Variants in FOXP2 observed in about 807,000 individuals in gnomAD.
The protein encoded by FOXP2 is forkhead box P2, also known as forkhead box protein P2.
FOXP2 carries 12 observed loss-of-function variants against 115.8 expected under a neutral mutation model. The observed-to-expected ratio is 0.10, with a 90% CI of 0.07 to 0.17. The LOEUF (loss-of-function observed/expected upper bound fraction) is 0.17, where lower values mean the gene tolerates loss of function less well. FOXP2 is among the 10% of genes least tolerant of loss of function. The pLI, the probability that FOXP2 is intolerant of heterozygous loss-of-function variation, is 1.00. For synonymous variants in FOXP2, 328 were observed against 297.7 expected, an observed-to-expected ratio of 1.10 and a Z score of -1.05; for missense variants, 629 against 843.5, an observed-to-expected ratio of 0.75 and a Z score of 3.15.
intron 2 of FOXP2, among the ~76,000 whole-genome samples, chr7:114,406,249 G>A (rs1793034506): frequency 6.6e-6 from 1 of 151,760 alleles, no homozygotes; most frequent in African/African-American, 2.4e-5. Flanking sequence ...TTAGTTTTCT[G>A]TGCTAGAAAA....
intron 2 of FOXP2, among the ~76,000 whole-genome samples, chr7:114,386,483 G>A (rs542175174): frequency 6.6e-6 from 1 of 152,314 alleles, no homozygotes; most frequent in Admixed American, 6.5e-5. Flanking sequence ...CTGGATCATA[G>A]AAGTCCTATA....
At chr7:114,581,569 A>G (rs1801871158) in intron 3 of FOXP2, among the ~76,000 whole-genome samples, 1 of 152,020 alleles carries the variant, frequency 6.6e-6, no homozygotes, top group South Asian at 2.1e-4. Flanking sequence ...AAACATCCCA[A>G]CCAGAGTGGT....
chr7:114,677,878 T>G (rs950695706), intron 16 of FOXP2, among the ~76,000 whole-genome samples: 4 of 152,208 alleles, frequency 2.6e-5, no homozygotes, highest in Non-Finnish European at 4.4e-5. Context: ...TTAAATTGGA[T>G]AAACATTTAT....
intron 3 of FOXP2, among the ~76,000 whole-genome samples, chr7:114,602,361 G>C (rs1803076639): frequency 6.6e-6 from 1 of 151,828 alleles, no homozygotes; most frequent in Non-Finnish European, 1.5e-5. Flanking sequence ...TAGCCTTTCT[G>C]TGTCTTTATA....
chr7:114,553,202 A>C (rs1283869591), intron 3 of FOXP2, among the ~76,000 whole-genome samples: 1 of 152,186 alleles, frequency 6.6e-6, no homozygotes, highest in Non-Finnish European at 1.5e-5. Context: ...AGGATACCCA[A>C]GTCTTAACCT....
rs181706661 is a variant in FOXP2 at position 114,308,259 on chromosome 7, G to T, written c.-11+20150G>T. Among the ~76,000 whole-genome samples, 7 of 152,150 alleles carry T rather than the reference G, an allele frequency of 4.6e-5. No homozygotes were observed. In the South Asian group the frequency reaches 1.0e-3, roughly 23 times the overall value. On this transcript the variant is annotated intron_variant, in intron 2 of 17. Coordinates refer to the FOXP2 transcript ENST00000634411. ...TTGGTCCTCATAGGCCACTGGGGGG[G>T]ACTCAGTGAACAATATACTCAACCA...
At chr7:114,285,048 G>A (rs1015018610) in intron 1 of FOXP2, among the ~76,000 whole-genome samples, 3 of 152,054 alleles carry the variant, frequency 2.0e-5, no homozygotes, top group Non-Finnish European at 4.4e-5. Flanking sequence ...GTGGGAGGAG[G>A]GGGAGGATTA....
chr7:114,624,116 T>C (rs921003043), intron 3 of FOXP2, among the ~76,000 whole-genome samples: 3 of 151,912 alleles, frequency 2.0e-5, no homozygotes, highest in Non-Finnish European at 2.9e-5. Flanking sequence ...TAGTTTCTTA[T>C]GTTAAAATAA....
intron 2 of FOXP2, among the ~76,000 whole-genome samples, chr7:114,397,235 A>G (rs1196612629): frequency 6.6e-6 from 1 of 152,208 alleles, no homozygotes; most frequent in Non-Finnish European, 1.5e-5. Flanking sequence ...ATGAAAAAAT[A>G]ACAGTAAATG....
At chr7:114,232,335 C>T (rs904180612) in intron 1 of FOXP2, among the ~76,000 whole-genome samples, 4 of 152,106 alleles carry the variant, frequency 2.6e-5, no homozygotes, top group African/African-American at 9.7e-5. Flanking sequence ...AATAGAACTA[C>T]CTTGTGATCC....
intron 3 of FOXP2, among the ~76,000 whole-genome samples, chr7:114,555,043 A>T (rs1043679734): frequency 6.6e-6 from 1 of 152,336 alleles, no homozygotes; most frequent in Middle Eastern, 3.4e-3. Flanking sequence ...CCAAGGAATC[A>T]ACCAGAGAGG....
intron 1 of FOXP2, among the ~76,000 whole-genome samples, chr7:114,233,220 A>C (rs1794928638): frequency 6.6e-6 from 1 of 152,224 alleles, no homozygotes; most frequent in Non-Finnish European, 1.5e-5. Flanking sequence ...TATAGATAGT[A>C]TTAACAACAA....
chr7:114,183,435 G>A lies in FOXP2; in HGVS notation c.-102+20347G>A, dbSNP rs182884780. Among the ~76,000 whole-genome samples the A allele has an allele frequency of 6.8e-3, 1,027 of 152,134 alleles. 16 individuals carry two copies. Among genetic ancestry groups the A allele is most frequent in the African/African-American group, 0.023 (973 of 41,512 alleles). ...ATCATTTATACAACTAGCATATTAA[G>A]CAATTTCAACAAGTTAATTCAAGAC... On this transcript the variant is annotated intron_variant, in intron 1 of 17. Coordinates refer to the FOXP2 transcript ENST00000634411.
intron 3 of FOXP2, among the ~76,000 whole-genome samples, chr7:114,618,631 T>A (rs1164674660): frequency 6.6e-6 from 1 of 152,178 alleles, no homozygotes; most frequent in Admixed American, 6.5e-5. Flanking sequence ...ATATAAATGG[T>A]AGAATGCATA....
At chr7:114,442,468 T>C (rs958523474) in intron 2 of FOXP2, among the ~76,000 whole-genome samples, 38 of 152,156 alleles carry the variant, frequency 2.5e-4, no homozygotes, top group African/African-American at 8.4e-4. Context: ...GAATTCTGTT[T>C]TTAAGACAGG....
intron 1 of FOXP2, among the ~76,000 whole-genome samples, chr7:114,238,004 A>G (rs1795056618): frequency 6.6e-6 from 1 of 152,178 alleles, no homozygotes; most frequent in African/African-American, 2.4e-5. Flanking sequence ...TAACAAACAC[A>G]CACACAAACA....
intron 3 of FOXP2, among the ~76,000 whole-genome samples, chr7:114,581,851 A>T (rs934003946): frequency 6.6e-6 from 1 of 152,222 alleles, no homozygotes; most frequent in African/African-American, 2.4e-5. Context: ...AAAGACTGAA[A>T]TGTGGGTTTA....
At chr7:114,663,641 G>A in intron 15 of FOXP2, 122 bp downstream of exon 15, 11 of 757,936 alleles carry the variant, frequency 1.5e-5, no homozygotes, top group Non-Finnish European at 2.5e-5. Flanking sequence ...CATCCAAGTT[G>A]TAGTACCTAG....
intron 16 of FOXP2, among the ~76,000 whole-genome samples, chr7:114,685,018 G>T (rs1247829561): frequency 1.3e-5 from 2 of 151,132 alleles, no homozygotes; most frequent in African/African-American, 4.9e-5. Flanking sequence ...CAGAATAGTT[G>T]GGTTAGTCTT....
Sources: allele counts gnomAD v4.1 joint callset (sites outside exome capture counted in the v4.1 genomes callset), GRCh38; gene constraint gnomAD v4.1.1; transcripts MANE v1.5; gene names NCBI Gene and HGNC (gene_info 2026-07-23, HGNC 2026-07-21).